The following IKBKE variants were observed in gnomAD, a reference collection of about 807,000 sequenced individuals.
IKBKE encodes inhibitor of nuclear factor kappa B kinase subunit epsilon, also known as inhibitor of nuclear factor kappa-B kinase subunit epsilon.
Under a neutral mutation model 92.1 loss-of-function variants are expected in IKBKE, and 45 were observed. The ratio of observed to expected loss-of-function variants is 0.49; its 90% CI spans 0.38 to 0.63. The LOEUF is 0.63. Ranked by LOEUF, IKBKE falls within the 20% of genes least tolerant of loss-of-function variation. The probability of loss-of-function intolerance (pLI) is 0.00; values close to 1 mark genes in which losing one functional copy is unlikely to be tolerated. For synonymous variants in IKBKE, 374 were observed against 380.3 expected (o/e 0.98, Z 0.19); for missense variants, 700 against 932.8 (o/e 0.75, Z 3.25).
Position 206,485,023 on chromosome 1 carries a change from A to C in IKBKE, c.1454A>C (p.Glu485Ala). 1 of 1,614,094 alleles carries C rather than the reference A, an allele frequency of 6.2e-7. No homozygotes were observed. The highest frequency in any genetic ancestry group is 8.5e-7 in the Non-Finnish European group (1 of 1,179,996). ...ERFSSVAGTP[E>A]IQELKAAAEL... is the part of the protein sequence containing the mutation. ...TTCAGCAGCGTGGCTGGAACGCCTG[A>C]GATCCAGGAACTGAAGGCGGCTGCA... is the stretch of plus-strand genomic sequence containing the variant. The change falls in exon 14 of 22, where the codon GAG becomes GCG. Residue 485 changes from glutamate (E) to alanine (A), a missense_variant. Coordinates refer to ENST00000581977, the MANE Select transcript of IKBKE (RefSeq NM_014002.4). The surrounding 1 kb of genome is among the most constrained non-coding windows in gnomAD (Gnocchi z 5.0).
chr1:206,475,720 G>C (rs1665026213), intron 5 of IKBKE, among the ~76,000 whole-genome samples: 1 of 133,886 alleles, frequency 7.5e-6, no homozygotes, highest in Non-Finnish European at 1.5e-5. Context: ...CTATGTGTCA[G>C]AGTGAGACTC....
chr1:206,491,115 T>TC (rs1665931471), intron 17 of IKBKE: 1 of 562,258 alleles, frequency 1.8e-6, no homozygotes, highest in Non-Finnish European at 3.2e-6. Context: ...GCTTTTTTTT[T>TC]CTCTAGTTGT....
rs975617567 is a variant in IKBKE, at chr1:206,475,746, A to T, written c.359-435A>T. ...AGTGAGACTCTGTCTCCAAAAAAAA[A>T]AAAAAAATTGGAGAATGAGAAAAGT... On this transcript the variant is annotated intron_variant, in intron 5 of 21. Coordinates refer to ENST00000581977, the MANE Select transcript of IKBKE (RefSeq NM_014002.4). 7.9e-5 allele frequency among the ~76,000 whole-genome samples: 12 copies of T among 152,098 alleles called. No homozygotes were observed. The East Asian group carries it at 2.1e-3, about 27-fold the overall frequency.
Position 206,485,210 on chromosome 1 carries a change from C to T in IKBKE, c.1520C>T (p.Ser507Phe), listed in dbSNP as rs1665590787. ...GCCCCACAGCTAGCGGAGGTCCTCT[C>T]CAGATGCTCCCAAAATATCACGGAG... ...SRLRTLAEVL[S>F]RCSQNITETQ... The change falls in exon 15 of 22, where the codon TCC becomes TTC. Residue 507 changes from serine (S) to phenylalanine (F), a missense_variant. Ser to Phe is a radical substitution (Grantham distance 155). Coordinates refer to ENST00000581977, the MANE Select transcript of IKBKE (RefSeq NM_014002.4). The surrounding 1 kb of genome is among the most constrained non-coding windows in gnomAD (Gnocchi z 5.0). The T allele has an allele frequency of 1.2e-6, 2 of 1,613,586 alleles. No homozygotes were observed. The highest frequency in any genetic ancestry group is 2.2e-5 in the East Asian group (1 of 44,876).
intron 3 of IKBKE, among the ~76,000 whole-genome samples, chr1:206,473,977 A>AAAAAAAAAAAG (rs1553384499): frequency 1.3e-5 from 2 of 151,444 alleles, no homozygotes; most frequent in South Asian, 2.1e-4. Context: ...AAAAAAAAAA[A>AAAAAAAAAAAG]AAAAAAAGAA....
intron 21 of IKBKE, among the ~76,000 whole-genome samples, chr1:206,495,358 TA>T (rs1553391864): frequency 2.6e-5 from 4 of 152,234 alleles, no homozygotes; most frequent in African/African-American, 9.6e-5. Flanking sequence ...CATAGGGATT[TA>T]AAAAAATGAG....
At chr1:206,493,227 T>C in intron 19 of IKBKE, 39 bp from the exon 20 acceptor site, 1 of 1,584,142 alleles carries the variant, frequency 6.3e-7, no homozygotes, top group Non-Finnish European at 8.7e-7. Flanking sequence ...ACACATAAGC[T>C]GGCTACTAAT....
chr1:206,486,680 A>C (rs1383203885), intron 15 of IKBKE, among the ~76,000 whole-genome samples: 2 of 149,950 alleles, frequency 1.3e-5, no homozygotes, highest in African/African-American at 2.5e-5. Flanking sequence ...TTTTGGATGA[A>C]GGCTGTGGAT....
intron 18 of IKBKE, chr1:206,492,772 A>C: frequency 5.4e-5 from 32 of 597,024 alleles, no homozygotes; most frequent in East Asian, 1.1e-4. Flanking sequence ...AGCCCCAGCC[A>C]CATGCATGTT....
intron 16 of IKBKE, among the ~76,000 whole-genome samples, chr1:206,489,400 TAC>T (rs1359150305): frequency 1.2e-4 from 13 of 110,606 alleles, no homozygotes; most frequent in Middle Eastern, 5.1e-3. Flanking sequence ...TATATATATA[TAC>T]ACACACACAC....
chr1:206,475,222 A>G (rs1274214318), intron 5 of IKBKE: 4 of 532,856 alleles, frequency 7.5e-6, no homozygotes, highest in Admixed American at 6.9e-5. Flanking sequence ...GGTACCTAAA[A>G]TAGAATATTA....
At chr1:206,477,407 G>A (rs1041407458) in intron 7 of IKBKE, among the ~76,000 whole-genome samples, 1 of 152,164 alleles carries the variant, frequency 6.6e-6, no homozygotes, top group Non-Finnish European at 1.5e-5. Context: ...GGTTGTCAGG[G>A]AAGGCTGGAC....
intron 2 of IKBKE, among the ~76,000 whole-genome samples, chr1:206,472,573 ACACACACACACTCT>A (rs781822838): frequency 2.3e-5 from 3 of 129,546 alleles, no homozygotes; most frequent in Non-Finnish European, 3.5e-5. Flanking sequence ...ACACACATAC[ACACACACACACTCT>A]CACACACACA....
Position 206,476,205 on chromosome 1 carries a change from A to G in IKBKE, c.383A>G (p.Glu128Gly), listed in dbSNP as rs1186302502. The G allele has an allele frequency of 6.2e-7, 1 of 1,613,968 alleles. No homozygotes were observed. The highest frequency in any genetic ancestry group is 1.3e-5 in the African/African-American group (1 of 74,888). The change falls in exon 6 of 22, where the codon GAG (glutamate) becomes GGG (glycine). Residue 128 changes from glutamate (E) to glycine (G), a missense_variant. Coordinates refer to ENST00000581977, the MANE Select transcript of IKBKE (RefSeq NM_014002.4). This position sits in a 1 kb window ranked among gnomAD's most constrained non-coding sequence, Gnocchi z 5.1. ...GTGGCCGGCATGAACCACCTGCGGG[A>G]GAACGGCATTGTGCATCGCGACATC... is the stretch of plus-strand genomic sequence containing the variant. ...CVVAGMNHLR[E>G]NGIVHRDIKP...
intron 13 of IKBKE, among the ~76,000 whole-genome samples, chr1:206,482,870 G>C (rs1665478271): frequency 6.6e-6 from 1 of 152,238 alleles, no homozygotes; most frequent in Admixed American, 6.5e-5. Flanking sequence ...GTGGAACCAG[G>C]TATTTTCATG....
At chr1:206,484,100 A>T (rs1289991229) in intron 13 of IKBKE, among the ~76,000 whole-genome samples, 1 of 70,340 alleles carries the variant, frequency 1.4e-5, no homozygotes, top group Non-Finnish European at 2.7e-5. Flanking sequence ...TTTATTTTGT[A>T]TTGTATTGTA....
At chr1:206,472,172 G>A (rs782678064) in intron 2 of IKBKE, among the ~76,000 whole-genome samples, 1 of 152,146 alleles carries the variant, frequency 6.6e-6, no homozygotes, top group Non-Finnish European at 1.5e-5. Context: ...GATTGCTTGA[G>A]CCCAGGGGGT....
chr1:206,489,949 A>T (rs1357225387), intron 16 of IKBKE, among the ~76,000 whole-genome samples: 1 of 152,208 alleles, frequency 6.6e-6, no homozygotes, highest in East Asian at 1.9e-4. Context: ...ATTTTTTAAA[A>T]TGCCCGGTGG....
chr1:206,486,014 C>T (rs1665639063), intron 15 of IKBKE, among the ~76,000 whole-genome samples: 1 of 152,254 alleles, frequency 6.6e-6, no homozygotes, highest in African/African-American at 2.4e-5. Context: ...CCCCATCCAT[C>T]ATCCCATGGC....
Sources: gnomAD v4.1 joint callset for allele counts (sites outside exome capture counted in the v4.1 genomes callset) on GRCh38, gnomAD v4.1.1 for gene constraint, Gnocchi (gnomAD v3.1) non-coding constraint, MANE v1.5 for transcripts, NCBI Gene and HGNC (gene_info 2026-07-23, HGNC 2026-07-21) for gene names.